KCTD1: variants seen among roughly 807,000 people sequenced by gnomAD.
The protein encoded by KCTD1 is BTB/POZ domain-containing protein KCTD1.
A neutral mutation model predicts 66.0 loss-of-function variants in KCTD1; 24 were observed. The ratio of observed to expected loss-of-function variants is 0.36; its 90% CI spans 0.26 to 0.51. The LOEUF is 0.51. Among genes scored for constraint, KCTD1 ranks in the 20% least tolerant of loss-of-function variants. KCTD1 has a pLI of 0.95. For missense variants in KCTD1, 943 were observed against 1,205.2 expected, an observed-to-expected ratio of 0.78 and a Z score of 3.22; for synonymous variants, 511 against 517.2, an observed-to-expected ratio of 0.99 and a Z score of 0.16.
chr18:26,611,141 A>T (rs1346455896), intron 1 of KCTD1, among the ~76,000 whole-genome samples: 2 of 152,162 alleles, frequency 1.3e-5, no homozygotes, highest in African/African-American at 4.8e-5. Flanking sequence ...TCTCATTTTT[A>T]AAAAATTAAT....
chr18:26,608,715 G>A (rs1259338042), intron 1 of KCTD1, among the ~76,000 whole-genome samples: 1 of 152,048 alleles, frequency 6.6e-6, no homozygotes, highest in Non-Finnish European at 1.5e-5. Context: ...TGTGCACAGT[G>A]ATGCTTTACC....
At chr18:26,456,149 A>G in intron 4 of KCTD1, 1 of 377,712 alleles carries the variant, frequency 2.6e-6, no homozygotes, top group Non-Finnish European at 4.7e-6. Flanking sequence ...CGATGGTGTT[A>G]GGCCCATTTT....
Position 26,455,695 on chromosome 18 carries a change from A to G in KCTD1, c.*48T>C, listed in dbSNP as rs1432867512. On this transcript the variant is annotated 3_prime_UTR_variant, in exon 5 of 5. Transcript: ENST00000580059. Reference sequence around the variant, plus strand: ...CACATAAATGTCCCTTTTTTGTTTGAGTTATTGGTTGTGTGTGTTTTCCTT... The same window carrying G: ...CACATAAATGTCCCTTTTTTGTTTGGGTTATTGGTTGTGTGTGTTTTCCTT... 6.2e-7 allele frequency: 1 copy of G among 1,605,492 alleles called. No homozygotes were observed. The highest frequency in any genetic ancestry group is 1.4e-5 in the African/African-American group (1 of 73,802).
chr18:26,492,426 G>A (rs1163018160), intron 2 of KCTD1, among the ~76,000 whole-genome samples: 3 of 151,888 alleles, frequency 2.0e-5, no homozygotes, highest in Admixed American at 6.6e-5. Flanking sequence ...TTGAGCCCAG[G>A]GGTTCAAGAC....
At chr18:26,607,956 A>G (rs1252692471) in intron 1 of KCTD1, among the ~76,000 whole-genome samples, 1 of 152,024 alleles carries the variant, frequency 6.6e-6, no homozygotes, top group Admixed American at 6.6e-5. Context: ...TTGTTTGTAG[A>G]GTTGGGGTCT....
At chr18:26,472,575 A>C (rs888507127) in intron 3 of KCTD1, among the ~76,000 whole-genome samples, 2 of 152,172 alleles carry the variant, frequency 1.3e-5, no homozygotes, top group African/African-American at 2.4e-5. Context: ...AATATGAGAG[A>C]GTAAGAAATT....
At chr18:26,646,644 T>C (rs945491055) in intron 1 of KCTD1, among the ~76,000 whole-genome samples, 3 of 152,202 alleles carry the variant, frequency 2.0e-5, no homozygotes, top group African/African-American at 7.2e-5. Flanking sequence ...TCTGGGTGCA[T>C]GTTTTCAAAA....
At chr18:26,638,590 G>A (rs1173616358) in intron 1 of KCTD1, among the ~76,000 whole-genome samples, 1 of 152,206 alleles carries the variant, frequency 6.6e-6, no homozygotes, top group Non-Finnish European at 1.5e-5. Flanking sequence ...AGGTGGCTAC[G>A]ACATTCGTAT....
rs1047227135 is a variant in KCTD1, at chr18:26,577,865, T to A, written c.-16+51282A>T. ...CTGGAATTACAAGTTTGAACCAGCA[T>A]GTGTGGCTGAGCATTTCTTAATTCT... On this transcript the variant is annotated intron_variant, in intron 1 of 4. Coordinates refer to the KCTD1 transcript ENST00000317932. Among the ~76,000 whole-genome samples, 3 of 152,038 alleles carry A rather than the reference T, an allele frequency of 2.0e-5. No homozygotes were observed. In the South Asian group the frequency reaches 6.2e-4, roughly 32 times the overall value.
At chr18:26,461,129 T>C (rs1012674028) in intron 3 of KCTD1, among the ~76,000 whole-genome samples, 6 of 152,220 alleles carry the variant, frequency 3.9e-5, no homozygotes, top group African/African-American at 2.4e-5. Flanking sequence ...AAGCACAAGA[T>C]GACCATGGGA....
chr18:26,506,709 T>G (rs1237653897), intron 1 of KCTD1, among the ~76,000 whole-genome samples: 3 of 152,038 alleles, frequency 2.0e-5, no homozygotes, highest in Admixed American at 2.0e-4. Context: ...GTAGAAAGGT[T>G]GGGAGCTAAG....
chr18:26,619,906 T>C (rs149679806), intron 1 of KCTD1, among the ~76,000 whole-genome samples: 1 of 152,312 alleles, frequency 6.6e-6, no homozygotes, highest in African/African-American at 2.4e-5. Context: ...TAAATCACTT[T>C]CAACTGTGTT....
intron 2 of KCTD1, 95 bp downstream of exon 2, chr18:26,500,977 G>A: frequency 1.5e-6 from 2 of 1,362,140 alleles, no homozygotes; most frequent in South Asian, 1.4e-5. Flanking sequence ...CCTGCCCCCT[G>A]CCTCCACGAG....
At chr18:26,514,926 T>C (rs929022108) in intron 1 of KCTD1, among the ~76,000 whole-genome samples, 2 of 152,194 alleles carry the variant, frequency 1.3e-5, no homozygotes, top group Admixed American at 6.5e-5. Flanking sequence ...GGTGAGAAGA[T>C]ATCAGTGAAA....
chr18:26,603,760 AAATAAAT>A (rs1986952552), intron 1 of KCTD1, among the ~76,000 whole-genome samples: 1 of 71,194 alleles, frequency 1.4e-5, no homozygotes, highest in Admixed American at 1.5e-4. Context: ...TAAAATAAAT[AAATAAAT>A]AAATAAATAA....
intron 1 of KCTD1, among the ~76,000 whole-genome samples, chr18:26,592,392 C>T (rs1342760788): frequency 6.6e-6 from 1 of 152,208 alleles, no homozygotes; most frequent in Non-Finnish European, 1.5e-5. Flanking sequence ...ATTCTGCAGT[C>T]GCTTTGGGAT....
chr18:26,485,566 G>C (rs1981872248), intron 2 of KCTD1, among the ~76,000 whole-genome samples: 1 of 152,158 alleles, frequency 6.6e-6, no homozygotes, highest in African/African-American at 2.4e-5. Flanking sequence ...GATTTCTAGG[G>C]TAAATGGCTA....
intron 1 of KCTD1, among the ~76,000 whole-genome samples, chr18:26,605,169 G>A (rs554339): frequency 0.36 from 55,128 of 152,040 alleles, 10,804 homozygotes; most frequent in African/African-American, 0.53. Context: ...TTCATTGATC[G>A]GGATGTACTC....
chr18:26,575,290 A>C (rs1216584516), intron 1 of KCTD1: 1 of 152,216 alleles, frequency 6.6e-6, no homozygotes, highest in African/African-American at 2.4e-5. Context: ...AGCATCGCCG[A>C]GTCGTGGCAA....
Sources: allele counts gnomAD v4.1 joint callset (sites outside exome capture counted in the v4.1 genomes callset), GRCh38; gene constraint gnomAD v4.1.1; transcripts MANE v1.5; gene names NCBI Gene and HGNC (gene_info 2026-07-23, HGNC 2026-07-21).